Variants in SLC43A2 observed in about 807,000 individuals in gnomAD.
SLC43A2 encodes solute carrier family 43 member 2, also known as large neutral amino acids transporter small subunit 4.
Under a neutral mutation model 63.2 loss-of-function variants are expected in SLC43A2, and 38 were observed. The observed-to-expected ratio is 0.60, with a 90% CI of 0.46 to 0.79. SLC43A2 has a LOEUF of 0.79. Among genes scored for constraint, SLC43A2 ranks in the 30% least tolerant of loss-of-function variants. SLC43A2 has a pLI of 0.00. For synonymous variants in SLC43A2, 322 were observed against 331.0 expected, an observed-to-expected ratio of 0.97 and a Z score of 0.30; for missense variants, 644 against 756.2, an observed-to-expected ratio of 0.85 and a Z score of 1.74.
intron 2 of SLC43A2, 67 bp downstream of exon 2, chr17:1,627,648 C>A: frequency 1.5e-6 from 1 of 650,910 alleles, no homozygotes; most frequent in Non-Finnish European, 2.4e-6. Context: ...AGGTCTTCGC[C>A]CCCATCCCGC....
chr17:1,604,957 C>G, intron 5 of SLC43A2: 1 of 1,494,550 alleles, frequency 6.7e-7, no homozygotes, highest in Admixed American at 2.1e-5. Flanking sequence ...GGGCTGAGCG[C>G]TGAGCAGAGC....
At chr17:1,581,201 C>CT (rs1438587952) in intron 11 of SLC43A2, among the ~76,000 whole-genome samples, 1 of 129,756 alleles carries the variant, frequency 7.7e-6, no homozygotes, top group Non-Finnish European at 1.6e-5. Context: ...GTGCCCAGTG[C>CT]CCACACACAC....
chr17:1,582,965 G>C (rs2076042907), intron 11 of SLC43A2, among the ~76,000 whole-genome samples: 1 of 152,124 alleles, frequency 6.6e-6, no homozygotes. Context: ...TGTAATCCCA[G>C]CTACTCGGGA....
chr17:1,612,759 G>A (rs1320913833), intron 5 of SLC43A2, among the ~76,000 whole-genome samples: 1 of 152,214 alleles, frequency 6.6e-6, no homozygotes, highest in Non-Finnish European at 1.5e-5. Context: ...ATCACCTGAG[G>A]TCAGGAGTTT....
At chr17:1,613,760 G>A (rs183177421) in intron 4 of SLC43A2, among the ~76,000 whole-genome samples, 18 of 152,202 alleles carry the variant, frequency 1.2e-4, no homozygotes, top group African/African-American at 4.1e-4. Context: ...TTCACAAAGC[G>A]TGGGCTCTTG....
intron 2 of SLC43A2, among the ~76,000 whole-genome samples, chr17:1,623,137 T>C (rs1908319930): frequency 6.6e-6 from 1 of 152,142 alleles, no homozygotes; most frequent in Non-Finnish European, 1.5e-5. Context: ...AAAGAGGTCC[T>C]CGAGGCAGCA....
chr17:1,596,346 G>T (rs1008145843), intron 5 of SLC43A2, among the ~76,000 whole-genome samples: 3 of 151,950 alleles, frequency 2.0e-5, no homozygotes, highest in African/African-American at 7.3e-5. Context: ...AAAACAGGCT[G>T]GGAGTGGTGG....
chr17:1,583,404 C>A lies in SLC43A2; in HGVS notation c.1218-68G>T. On this transcript the variant is annotated intron_variant, in intron 10 of 13. Coordinates refer to ENST00000301335, the MANE Select transcript of SLC43A2 (RefSeq NM_152346.3). The surrounding 1 kb of genome is among the most constrained non-coding windows in gnomAD (Gnocchi z 5.5). ...AGGAAGCCGGGTGCTCCTGAGAAGT[C>A]AGGCCTCAAGCGTCGCAGCAGGTAA... 1 of 1,597,156 alleles carries A rather than the reference C, an allele frequency of 6.3e-7. No homozygotes were observed.
At chr17:1,623,623 C>T (rs1274753129) in intron 2 of SLC43A2, among the ~76,000 whole-genome samples, 6 of 144,962 alleles carry the variant, frequency 4.1e-5, no homozygotes, top group Admixed American at 1.3e-4. Flanking sequence ...CCAGGGTGTA[C>T]CCTCCTCTCC....
intron 9 of SLC43A2, among the ~76,000 whole-genome samples, chr17:1,587,276 C>A (rs955965166): frequency 2.0e-5 from 3 of 152,140 alleles, no homozygotes; most frequent in Non-Finnish European, 1.5e-5. Context: ...TGGCGGGTAG[C>A]GTGATGGGGA....
chr17:1,584,095 A>T (rs12942362), intron 10 of SLC43A2, among the ~76,000 whole-genome samples: 2 of 151,722 alleles, frequency 1.3e-5, no homozygotes, highest in East Asian at 3.9e-4. Flanking sequence ...GGGTTTCACC[A>T]TGTTAGCCAG....
chr17:1,606,779 T>A lies in SLC43A2; in HGVS notation c.501+6416A>T, dbSNP rs1241935820. On this transcript the variant is annotated intron_variant, in intron 5 of 13. Transcript: ENST00000301335. The surrounding 1 kb of genome is among the most constrained non-coding windows in gnomAD (Gnocchi z 4.7). ...AGTGCTCTGCCCCCATGGAGTGACC[T>A]GGCGTCCGCCCTCCACGGATGGCAC... 6.6e-6 allele frequency among the ~76,000 whole-genome samples: 1 copy of A among 152,200 alleles called. No individual in the cohort carries two copies. Among genetic ancestry groups the A allele is most frequent in the African/African-American group, 2.4e-5 (1 of 41,458 alleles).
chr17:1,604,647 T>C lies in SLC43A2; in HGVS notation c.501+8548A>G. 2.9e-6 allele frequency: 4 copies of C among 1,372,592 alleles called. No individual in the cohort carries two copies. In the South Asian group the frequency reaches 5.2e-5, roughly 18 times the overall value. The allele number at this position is 1,372,592 out of a possible 1,614,324, so 85.0% of individuals were successfully genotyped here. A position where few individuals can be genotyped will look rare whatever the true frequency, so the allele number is the denominator to read the frequency against. ...CCTCAGCCTCCTGAGCAGCTGAGACTACAGGGGGATACCACAATGCCCAGT... is the reference window on the plus strand; with the variant it reads ...CCTCAGCCTCCTGAGCAGCTGAGACCACAGGGGGATACCACAATGCCCAGT... On this transcript the variant is annotated intron_variant, in intron 5 of 13. Transcript: ENST00000301335.
rs12453258 is a variant in SLC43A2, at chr17:1,605,865, G to A, written c.501+7330C>T. ...TTTCTGCTTCAGTGCTGAAGGGAGGGGAAGGGTGTGCTCCCCTCCCCCGGC... is the reference window on the plus strand; with the variant it reads ...TTTCTGCTTCAGTGCTGAAGGGAGGAGAAGGGTGTGCTCCCCTCCCCCGGC... On this transcript the variant is annotated intron_variant, in intron 5 of 13. Transcript: ENST00000301335. This position sits in a 1 kb window ranked among gnomAD's most constrained non-coding sequence, Gnocchi z 4.9. Among the ~76,000 whole-genome samples, 23,812 of 152,062 alleles carry A rather than the reference G, an allele frequency of 0.16. 2,673 individuals are homozygous for A. Among genetic ancestry groups the A allele is most frequent in the East Asian group, 0.39 (1,983 of 5,138 alleles).
rs752914153 is a variant in SLC43A2 at position 1,583,404 on chromosome 17, C to G, written c.1218-68G>C. 1 of 1,597,160 alleles carries G rather than the reference C, an allele frequency of 6.3e-7. No homozygotes were observed. Among genetic ancestry groups the G allele is most frequent in the East Asian group, 2.2e-5 (1 of 44,534 alleles). On this transcript the variant is annotated intron_variant, in intron 10 of 13. Transcript: ENST00000301335. This position sits in a 1 kb window ranked among gnomAD's most constrained non-coding sequence, Gnocchi z 5.5. Reference sequence around the variant, plus strand: ...AGGAAGCCGGGTGCTCCTGAGAAGTCAGGCCTCAAGCGTCGCAGCAGGTAA... The same window carrying G: ...AGGAAGCCGGGTGCTCCTGAGAAGTGAGGCCTCAAGCGTCGCAGCAGGTAA...
At chr17:1,597,562 G>A (rs1164726855) in intron 5 of SLC43A2, among the ~76,000 whole-genome samples, 2 of 151,122 alleles carry the variant, frequency 1.3e-5, no homozygotes, top group Non-Finnish European at 2.9e-5. Flanking sequence ...CACTTTGGGA[G>A]GCCAAGGTGG....
intron 11 of SLC43A2, among the ~76,000 whole-genome samples, chr17:1,579,908 C>CT (rs765390601): frequency 7.3e-5 from 11 of 151,588 alleles, no homozygotes; most frequent in Non-Finnish European, 1.6e-4. Flanking sequence ...ACTTGGTTCA[C>CT]TAGAGCCTGT....
At position 1,577,527 on chromosome 17, in the gene SLC43A2, T is replaced by G. The variant is rs189013390; in HGVS notation, c.1424+723A>C. On this transcript the variant is annotated intron_variant, in intron 12 of 13. Coordinates refer to ENST00000301335, the MANE Select transcript of SLC43A2 (RefSeq NM_152346.3). This position sits in a 1 kb window ranked among gnomAD's most constrained non-coding sequence, Gnocchi z 4.9. The stretch of plus-strand genomic sequence containing the variant: ...TTACCCCAGGGGCTGTTGCGGGAAT[T>G]GGGAGAGAGTTCCGGGCTAAATCTT... 8.3e-4 allele frequency among the ~76,000 whole-genome samples: 126 copies of G among 152,244 alleles called. No homozygotes were observed. The highest frequency in any genetic ancestry group is 2.8e-3 in the African/African-American group (115 of 41,538).
At chr17:1,589,296 C>T (rs369315613) in intron 9 of SLC43A2, among the ~76,000 whole-genome samples, 61 of 152,114 alleles carry the variant, frequency 4.0e-4, no homozygotes, top group African/African-American at 1.3e-3. Flanking sequence ...TTGGGGTTTC[C>T]GCCACTCCAG....
Sources: gnomAD v4.1 joint callset for allele counts (sites outside exome capture counted in the v4.1 genomes callset) on GRCh38, gnomAD v4.1.1 for gene constraint, Gnocchi (gnomAD v3.1) non-coding constraint, MANE v1.5 for transcripts, NCBI Gene and HGNC (gene_info 2026-07-23, HGNC 2026-07-21) for gene names.